Variants in KCNIP4 observed in about 807,000 individuals in gnomAD.
KCNIP4 encodes the protein Kv channel-interacting protein 4.
A neutral mutation model predicts 34.0 loss-of-function variants in KCNIP4; 12 were observed. The ratio of observed to expected loss-of-function variants is 0.35; its 90% CI spans 0.23 to 0.57. KCNIP4 has a LOEUF of 0.57. Among genes scored for constraint, KCNIP4 ranks in the 20% least tolerant of loss-of-function variants. KCNIP4 has a pLI of 0.83. For missense variants in KCNIP4, 238 were observed against 311.7 expected, an observed-to-expected ratio of 0.76 and a Z score of 1.78; for synonymous variants, 124 against 102.2, an observed-to-expected ratio of 1.21 and a Z score of -1.29.
At chr4:21,151,701 G>A (rs1039163753) in intron 1 of KCNIP4, among the ~76,000 whole-genome samples, 6 of 152,138 alleles carry the variant, frequency 3.9e-5, no homozygotes, top group Admixed American at 6.5e-5. Flanking sequence ...TGAGGGGCAC[G>A]ATTCAGTCCA....
At chr4:20,853,321 T>TTGGATATCCAATAGATAA (rs1354131643) in intron 2 of KCNIP4, among the ~76,000 whole-genome samples, 6 of 68,972 alleles carry the variant, frequency 8.7e-5, no homozygotes, top group African/African-American at 2.1e-4. Flanking sequence ...GAATAGATAA[T>TTGGATATCCAATAGATAA]TTGGAAATAA....
chr4:21,484,928 G>A (rs1399831882), intron 1 of KCNIP4, among the ~76,000 whole-genome samples: 1 of 152,128 alleles, frequency 6.6e-6, no homozygotes, highest in African/African-American at 2.4e-5. Flanking sequence ...CCCAGCATAG[G>A]TCACACACAT....
intron 1 of KCNIP4, among the ~76,000 whole-genome samples, chr4:21,399,593 A>C (rs1287100438): frequency 6.6e-6 from 1 of 150,754 alleles, no homozygotes; most frequent in Non-Finnish European, 1.5e-5. Context: ...TCAAGTACTA[A>C]CTGGGCTTGC....
At chr4:21,819,326 C>T (rs1260953652) in intron 1 of KCNIP4, among the ~76,000 whole-genome samples, 1 of 152,224 alleles carries the variant, frequency 6.6e-6, no homozygotes, top group African/African-American at 2.4e-5. Flanking sequence ...CCAGCCAACA[C>T]AGCTCACAAC....
intron 1 of KCNIP4, among the ~76,000 whole-genome samples, chr4:21,917,472 A>T (rs994561588): frequency 6.6e-6 from 1 of 152,150 alleles, no homozygotes; most frequent in Admixed American, 6.5e-5. Flanking sequence ...ATTAAATTCA[A>T]AGGCACACAG....
At chr4:20,887,855 T>C (rs768018033) in intron 1 of KCNIP4, among the ~76,000 whole-genome samples, 1 of 152,032 alleles carries the variant, frequency 6.6e-6, no homozygotes, top group Non-Finnish European at 1.5e-5. Context: ...CCTGTTTTCC[T>C]TTCCTACTTT....
At chr4:20,738,803 A>T (rs7660187) in intron 5 of KCNIP4, among the ~76,000 whole-genome samples, 67 of 152,030 alleles carry the variant, frequency 4.4e-4, no homozygotes, top group African/African-American at 1.5e-3. Context: ...CGCCTCACCC[A>T]GGAAGCGCAA....
chr4:21,084,034 C>A (rs1016235676), intron 1 of KCNIP4, among the ~76,000 whole-genome samples: 1 of 151,816 alleles, frequency 6.6e-6, no homozygotes, highest in Admixed American at 6.6e-5. Flanking sequence ...TGAGATATAG[C>A]CTACATTGAA....
intron 1 of KCNIP4, among the ~76,000 whole-genome samples, chr4:20,949,932 G>T (rs1049268479): frequency 1.3e-5 from 2 of 149,638 alleles, no homozygotes; most frequent in Non-Finnish European, 3.0e-5. Context: ...TGGGTGCAGC[G>T]CACCAGCATG....
chr4:21,610,960 C>T (rs1401617379), intron 1 of KCNIP4, among the ~76,000 whole-genome samples: 1 of 151,986 alleles, frequency 6.6e-6, no homozygotes, highest in Non-Finnish European at 1.5e-5. Context: ...TAATGCTATC[C>T]CTCCCCTAGA....
intron 1 of KCNIP4, among the ~76,000 whole-genome samples, chr4:21,727,806 G>A (rs1201424385): frequency 6.6e-6 from 1 of 152,070 alleles, no homozygotes; most frequent in Non-Finnish European, 1.5e-5. Flanking sequence ...TCCAGCCTGG[G>A]CAACAGAGCA....
At chr4:21,890,497 A>T (rs899755086) in intron 1 of KCNIP4, among the ~76,000 whole-genome samples, 2 of 152,052 alleles carry the variant, frequency 1.3e-5, no homozygotes, top group Non-Finnish European at 2.9e-5. Context: ...ATTCATCCAG[A>T]TGGGGAAAGG....
chr4:21,305,766 A>G (rs1186714279), intron 1 of KCNIP4, among the ~76,000 whole-genome samples: 3 of 152,200 alleles, frequency 2.0e-5, no homozygotes, highest in Admixed American at 1.3e-4. Context: ...GGACTTTGCT[A>G]AAATTGCTCT....
chr4:21,460,573 C>T (rs79208361), intron 1 of KCNIP4, among the ~76,000 whole-genome samples: 2,477 of 152,160 alleles, frequency 0.016, 76 homozygotes, highest in African/African-American at 0.057. Flanking sequence ...CTTTTTGCTA[C>T]GTTCTAACAT....
At chr4:20,801,891 G>A (rs1714278532) in intron 3 of KCNIP4, among the ~76,000 whole-genome samples, 1 of 151,770 alleles carries the variant, frequency 6.6e-6, no homozygotes. Flanking sequence ...TGGAGTGGCT[G>A]AATGGATAAA....
At chr4:20,999,574 G>A (rs1285410263) in intron 1 of KCNIP4, among the ~76,000 whole-genome samples, 1 of 151,816 alleles carries the variant, frequency 6.6e-6, no homozygotes, top group Non-Finnish European at 1.5e-5. Context: ...GGGTTTGGGG[G>A]AAGAGGGTGG....
At chr4:21,738,391 G>C (rs1716158057) in intron 1 of KCNIP4, among the ~76,000 whole-genome samples, 1 of 152,102 alleles carries the variant, frequency 6.6e-6, no homozygotes, top group Non-Finnish European at 1.5e-5. Flanking sequence ...TCTATATTTA[G>C]TTACATGTTC....
At chr4:21,471,595 T>C (rs1017812551) in intron 1 of KCNIP4, among the ~76,000 whole-genome samples, 1 of 152,232 alleles carries the variant, frequency 6.6e-6, no homozygotes, top group African/African-American at 2.4e-5. Context: ...AATATTTATA[T>C]GTTCTAGTTC....
At chr4:20,917,614 T>A (rs559643836) in intron 1 of KCNIP4, among the ~76,000 whole-genome samples, 32 of 152,230 alleles carry the variant, frequency 2.1e-4, no homozygotes, top group South Asian at 8.3e-4. Context: ...AAATTTTTTT[T>A]AAAATGTGCC....
Sources: allele counts gnomAD v4.1 joint callset (sites outside exome capture counted in the v4.1 genomes callset), GRCh38; gene constraint gnomAD v4.1.1; transcripts MANE v1.5; gene names NCBI Gene and HGNC (gene_info 2026-07-23, HGNC 2026-07-21).